The following SVEP1 variants were observed in gnomAD, a reference collection of about 807,000 sequenced individuals.
The protein encoded by SVEP1 is sushi, von Willebrand factor type A, EGF and pentraxin domain containing 1.
SVEP1 carries 164 observed loss-of-function variants against 367.3 expected under a neutral mutation model. That is an observed-to-expected ratio of 0.45 (90% CI 0.39 to 0.51). The LOEUF (loss-of-function observed/expected upper bound fraction) is 0.51, where lower values mean the gene tolerates loss of function less well. Among genes scored for constraint, SVEP1 ranks in the 20% least tolerant of loss-of-function variants. The pLI is 0.00. For missense variants in SVEP1, 4,117 were observed against 4,425.3 expected (o/e 0.93, Z 1.98); for synonymous variants, 1,666 against 1,611.6 (o/e 1.03, Z -0.81).
At chr9:110,551,467 C>T (rs899963466) in intron 1 of SVEP1, among the ~76,000 whole-genome samples, 1 of 152,032 alleles carries the variant, frequency 6.6e-6, no homozygotes, top group African/African-American at 2.4e-5. Flanking sequence ...ATCTGGAAAG[C>T]CAGCAGTTTG....
In SVEP1 at chr9:110,453,791, C is replaced by T. The variant is rs923221055; in HGVS notation, c.3787+1799G>A. The stretch of plus-strand genomic sequence containing the variant: ...GGCTAAGACAGGAGAATTGTTTGAA[C>T]TTGGGAGGCAGAGGTTGTAGTGAGC... On this transcript the variant is annotated intron_variant, in intron 22 of 47. Transcript: ENST00000374469. Among the ~76,000 whole-genome samples, 13 of 151,792 alleles carry T rather than the reference C, an allele frequency of 8.6e-5. No homozygotes were observed. The East Asian group carries it at 2.1e-3, about 25-fold the overall frequency.
At chr9:110,368,211 A>G (rs947067495) in intron 47 of SVEP1, among the ~76,000 whole-genome samples, 10 of 152,174 alleles carry the variant, frequency 6.6e-5, no homozygotes, top group African/African-American at 2.4e-4. Flanking sequence ...CGTGGCTTTC[A>G]AGTCCCCAGT....
chr9:110,433,383 A>C (rs993384872), intron 30 of SVEP1, among the ~76,000 whole-genome samples: 2 of 138,450 alleles, frequency 1.4e-5, no homozygotes, highest in Non-Finnish European at 3.2e-5. Flanking sequence ...AAAAAAAAAA[A>C]AAAACGGTGA....
At chr9:110,517,751 TAAA>T (rs5899902) in intron 3 of SVEP1, among the ~76,000 whole-genome samples, 76 of 50,524 alleles carry the variant, frequency 1.5e-3, no homozygotes, top group African/African-American at 4.8e-3. Context: ...ACCTGGCTCT[TAAA>T]AAAAAAAAAA....
rs1454676733 is a variant in SVEP1 at position 110,411,385 on chromosome 9, C to T, written c.6326G>A (p.Ser2109Asn). ...KAKFAAGSVV[S>N]FKCMEGFVLN... is the part of the protein sequence containing the mutation. ...TACAAAGCCTTCCATGCATTTAAAG[C>T]TCACAACTGAGCCAGCTGCAAATTT... The change falls in exon 37 of 48, where the codon AGC (serine) becomes AAC (asparagine). Residue 2109 changes from serine (S) to asparagine (N), a missense_variant. Ser to Asn is a conservative substitution (Grantham distance 46). This residue lies in a region of SVEP1 where 2,174 missense variants were observed against 2,494.3 expected (regional missense o/e 0.87). Coordinates refer to ENST00000374469, the MANE Select transcript of SVEP1 (RefSeq NM_153366.4). 1 of 1,614,010 alleles carries T rather than the reference C, an allele frequency of 6.2e-7. No homozygotes were observed. Among genetic ancestry groups the T allele is most frequent in the Admixed American group, 1.7e-5 (1 of 60,010 alleles).
At chr9:110,397,720 C>A (rs534266465) in intron 40 of SVEP1, among the ~76,000 whole-genome samples, 86 of 152,248 alleles carry the variant, frequency 5.6e-4, no homozygotes, top group Middle Eastern at 3.4e-3. Flanking sequence ...AGAGCCAAAT[C>A]ATGAGTGAAC....
At chr9:110,395,020 T>G (rs1191465821) in intron 40 of SVEP1, among the ~76,000 whole-genome samples, 2 of 152,060 alleles carry the variant, frequency 1.3e-5, no homozygotes, top group African/African-American at 4.8e-5. Context: ...AGATACTCCT[T>G]GAGAAGAGCA....
chr9:110,518,193 C>A (rs75489284), intron 3 of SVEP1, among the ~76,000 whole-genome samples: 1,826 of 152,016 alleles, frequency 0.012, 42 homozygotes, highest in African/African-American at 0.042. Flanking sequence ...GAGGATAAGG[C>A]GGGCCGATCA....
At chr9:110,457,837 G>A (rs922053353) in intron 20 of SVEP1, among the ~76,000 whole-genome samples, 1 of 152,100 alleles carries the variant, frequency 6.6e-6, no homozygotes, top group African/African-American at 2.4e-5. Context: ...GTTTGGACTA[G>A]GCTGTAGGAA....
chr9:110,486,643 CTCTCTCTCTCTCTTTT>C (rs1367490245), intron 9 of SVEP1, among the ~76,000 whole-genome samples: 1 of 76,766 alleles, frequency 1.3e-5, no homozygotes, highest in Non-Finnish European at 2.7e-5. Flanking sequence ...CTCTTTCTCT[CTCTCTCTCTCTCTTTT>C]TTTTTTTAGA....
chr9:110,481,756 A>G, intron 11 of SVEP1, among the ~76,000 whole-genome samples: 1 of 152,124 alleles, frequency 6.6e-6, no homozygotes, highest in Non-Finnish European at 1.5e-5. Flanking sequence ...TCTGTCACCC[A>G]GGCTCGAATG....
Position 110,546,137 on chromosome 9 carries a change from T to C in SVEP1, c.942A>G (p.Lys314=). ...CACCTGTGCATTCATACTGCAGACC[T>C]TTCCCGTAATACCCCTTTTCACAGA... is the stretch of plus-strand genomic sequence containing the variant. ...ECICEKGYYG[K]GLQYECTACP... is the part of the protein sequence containing the mutation. The change falls in exon 3 of 48, where the codon AAA becomes AAG. Residue 314 remains lysine, a synonymous_variant. Coordinates refer to ENST00000374469, the MANE Select transcript of SVEP1 (RefSeq NM_153366.4). The C allele has an allele frequency of 6.4e-7, 1 of 1,552,684 alleles. No individual in the cohort carries two copies. The highest frequency in any genetic ancestry group is 8.7e-7 in the Non-Finnish European group (1 of 1,147,280).
At chr9:110,456,531 T>C (rs1215514414) in intron 21 of SVEP1, among the ~76,000 whole-genome samples, 1 of 152,216 alleles carries the variant, frequency 6.6e-6, no homozygotes, top group East Asian at 1.9e-4. Flanking sequence ...AGATCTTGGC[T>C]ATACTTTGTT....
At chr9:110,546,987 A>G (rs1487251602) in intron 2 of SVEP1, among the ~76,000 whole-genome samples, 1 of 152,194 alleles carries the variant, frequency 6.6e-6, no homozygotes, top group African/African-American at 2.4e-5. Context: ...GAAGTTTGAA[A>G]GTTTTAGACT....
chr9:110,425,617 T>G (rs1179183945), intron 36 of SVEP1, among the ~76,000 whole-genome samples: 1 of 152,260 alleles, frequency 6.6e-6, no homozygotes, highest in African/African-American at 2.4e-5. Context: ...TAAAAAATCC[T>G]CTTCAAATGA....
intron 1 of SVEP1, among the ~76,000 whole-genome samples, chr9:110,569,961 TA>T (rs1830535079): frequency 6.6e-6 from 1 of 152,198 alleles, no homozygotes; most frequent in Non-Finnish European, 1.5e-5. Flanking sequence ...TAAAGATGGA[TA>T]GGGGAAAATG....
chr9:110,527,758 A>C (rs75469190), intron 3 of SVEP1, among the ~76,000 whole-genome samples: 3,366 of 151,926 alleles, frequency 0.022, 55 homozygotes, highest in South Asian at 0.035. Flanking sequence ...GTATAGTGAT[A>C]AAGTCTAGGG....
chr9:110,445,674 C>T (rs1001930896), intron 26 of SVEP1, among the ~76,000 whole-genome samples, 163 bp downstream of exon 26: 2 of 152,190 alleles, frequency 1.3e-5, no homozygotes, highest in African/African-American at 2.4e-5. Flanking sequence ...TAAAAATTTA[C>T]GTTCTTAAAG....
intron 3 of SVEP1, among the ~76,000 whole-genome samples, chr9:110,540,598 G>T (rs1392925072): frequency 3.9e-5 from 6 of 152,076 alleles, no homozygotes; most frequent in African/African-American, 1.4e-4. Context: ...GAACAAGAAC[G>T]ACAAGACCAC....
Sources: gnomAD v4.1 joint callset for allele counts (sites outside exome capture counted in the v4.1 genomes callset) on GRCh38, gnomAD v4.1.1 for gene constraint, gnomAD v4.1.1 regional missense constraint, MANE v1.5 for transcripts, NCBI Gene and HGNC (gene_info 2026-07-23, HGNC 2026-07-21) for gene names.